SLCO3A1: variants seen among roughly 807,000 people sequenced by gnomAD.
SLCO3A1 encodes PGE1 transporter.
SLCO3A1 carries 27 observed loss-of-function variants against 63.1 expected under a neutral mutation model. The observed-to-expected ratio is 0.43, with a 90% CI of 0.32 to 0.59. The LOEUF is 0.59. Ranked by LOEUF, SLCO3A1 falls within the 20% of genes least tolerant of loss-of-function variation. The pLI is 0.09. For missense variants in SLCO3A1, 773 were observed against 945.8 expected, an observed-to-expected ratio of 0.82 and a Z score of 2.40; for synonymous variants, 473 against 409.9, an observed-to-expected ratio of 1.15 and a Z score of -1.86.
At chr15:92,061,132 G>A (rs2047081626) in intron 2 of SLCO3A1, among the ~76,000 whole-genome samples, 1 of 152,222 alleles carries the variant, frequency 6.6e-6, no homozygotes, top group Non-Finnish European at 1.5e-5. Flanking sequence ...TAATGTTTGT[G>A]AATTAGCATT....
chr15:91,991,040 A>G (rs186142928), intron 2 of SLCO3A1, among the ~76,000 whole-genome samples: 133 of 152,188 alleles, frequency 8.7e-4, no homozygotes, highest in African/African-American at 2.9e-3. Context: ...AGATTTCTTT[A>G]TTTTTAAAAA....
chr15:91,865,454 AACAAATTACC>A lies in SLCO3A1; in HGVS notation c.180+11372_180+11381del, dbSNP rs1897142381. On this transcript the variant is annotated intron_variant, in intron 1 of 9. Transcript: ENST00000318445. The surrounding 1 kb of genome is among the most constrained non-coding windows in gnomAD (Gnocchi z 4.6). Reference sequence around the variant, plus strand: ...TCTATTCATTAACTAGGGCTGCTGTAACAAATTACCACAAACTGGGTGGCTTGAAACAAAT... The same window carrying A: ...TCTATTCATTAACTAGGGCTGCTGTAACAAACTGGGTGGCTTGAAACAAAT... Among the ~76,000 whole-genome samples the A allele has an allele frequency of 6.6e-6, 1 of 152,194 alleles. No homozygotes were observed. The highest frequency in any genetic ancestry group is 2.4e-5 in the African/African-American group (1 of 41,448).
At chr15:92,046,415 A>T (rs2046864025) in intron 2 of SLCO3A1, among the ~76,000 whole-genome samples, 1 of 152,078 alleles carries the variant, frequency 6.6e-6, no homozygotes, top group Admixed American at 6.6e-5. Context: ...CTATAATCCC[A>T]GCTACTTGGG....
downstream of SLCO3A1, among the ~76,000 whole-genome samples, chr15:92,168,768 G>A (rs1233898877): frequency 6.6e-6 from 1 of 152,158 alleles, no homozygotes; most frequent in African/African-American, 2.4e-5. Flanking sequence ...GTACCCCTTT[G>A]CTCTCATGGT....
At chr15:91,959,371 C>T (rs1405933391) in intron 2 of SLCO3A1, among the ~76,000 whole-genome samples, 1 of 151,956 alleles carries the variant, frequency 6.6e-6, no homozygotes, top group African/African-American at 2.4e-5. Flanking sequence ...CAGAACTGAC[C>T]ACTAAAGAAC....
In SLCO3A1 at chr15:91,859,443, G is replaced by C. The variant is rs1294173949; in HGVS notation, c.180+5355G>C. Reference sequence around the variant, plus strand: ...TTCAAAGACACTTGTATTTTATGTAGCCTAAGTGTTTATGTGTTAGCATGA... The same window carrying C: ...TTCAAAGACACTTGTATTTTATGTACCCTAAGTGTTTATGTGTTAGCATGA... On this transcript the variant is annotated intron_variant, in intron 1 of 9. Coordinates refer to ENST00000318445, the MANE Select transcript of SLCO3A1 (RefSeq NM_013272.4). This position sits in a 1 kb window ranked among gnomAD's most constrained non-coding sequence, Gnocchi z 5.1. Among the ~76,000 whole-genome samples, 10 of 152,194 alleles carry C rather than the reference G, an allele frequency of 6.6e-5. No homozygotes were observed. The highest frequency in any genetic ancestry group is 2.2e-4 in the African/African-American group (9 of 41,448).
chr15:91,921,473 C>T (rs1270748963), intron 2 of SLCO3A1, among the ~76,000 whole-genome samples: 1 of 152,196 alleles, frequency 6.6e-6, no homozygotes, highest in Non-Finnish European at 1.5e-5. Flanking sequence ...ACTCCTGCCT[C>T]TTTGCCAAAA....
chr15:92,010,927 A>G (rs1264174168), intron 2 of SLCO3A1, among the ~76,000 whole-genome samples: 1 of 152,190 alleles, frequency 6.6e-6, no homozygotes, highest in African/African-American at 2.4e-5. Context: ...CCAAGCCATC[A>G]TTGTGTCTTA....
chr15:91,927,528 AT>A (rs1324309163), intron 2 of SLCO3A1, among the ~76,000 whole-genome samples: 2 of 152,176 alleles, frequency 1.3e-5, no homozygotes, highest in Admixed American at 1.3e-4. Context: ...TAGTTGGTGC[AT>A]TTGAGAAACC....
chr15:92,049,868 A>C (rs1482081450), intron 2 of SLCO3A1, among the ~76,000 whole-genome samples: 1 of 152,188 alleles, frequency 6.6e-6, no homozygotes, highest in Admixed American at 6.5e-5. Context: ...ACAGCTTTGT[A>C]ATGTACAGTG....
At chr15:92,041,616 T>C (rs1443918843) in intron 2 of SLCO3A1, among the ~76,000 whole-genome samples, 1 of 152,200 alleles carries the variant, frequency 6.6e-6, no homozygotes. Context: ...TCACTGAATA[T>C]ATGTGCATAT....
intron 2 of SLCO3A1, among the ~76,000 whole-genome samples, chr15:91,978,342 T>C (rs1323828816): frequency 6.6e-6 from 1 of 152,250 alleles, no homozygotes; most frequent in Non-Finnish European, 1.5e-5. Flanking sequence ...TCTTTTACTC[T>C]TCAGTGAAAA....
intron 4 of SLCO3A1, among the ~76,000 whole-genome samples, chr15:92,114,391 G>C (rs2047766769): frequency 6.6e-6 from 1 of 152,042 alleles, no homozygotes; most frequent in South Asian, 2.1e-4. Context: ...ACGGGGCGTG[G>C]TGCTCACATC....
chr15:91,872,930 G>C lies in SLCO3A1; in HGVS notation c.180+18842G>C, dbSNP rs1043327948. 3.3e-5 allele frequency among the ~76,000 whole-genome samples: 5 copies of C among 152,192 alleles called. No homozygotes were observed. Among genetic ancestry groups the C allele is most frequent in the Non-Finnish European group, 5.9e-5 (4 of 68,038 alleles). On this transcript the variant is annotated intron_variant, in intron 1 of 9. Coordinates refer to ENST00000318445, the MANE Select transcript of SLCO3A1 (RefSeq NM_013272.4). The surrounding 1 kb of genome is among the most constrained non-coding windows in gnomAD (Gnocchi z 4.1). The stretch of plus-strand genomic sequence containing the variant: ...AAAAAGACCTGTTATACATTCCAGG[G>C]CTGGTCACAGGGCCCCTGCTCCTGG...
In SLCO3A1 at chr15:91,874,690, C is replaced by T. The variant is rs76871928; in HGVS notation, c.180+20602C>T. ...ACATGTTGGCTATTGTGAATAATGC[C>T]GCTCCGATCATCGCTGTAGAGCTTT... On this transcript the variant is annotated intron_variant, in intron 1 of 9. Transcript: ENST00000318445. 4.4e-3 allele frequency among the ~76,000 whole-genome samples: 671 copies of T among 152,278 alleles called. 8 individuals carry two copies. The highest frequency in any genetic ancestry group is 0.015 in the African/African-American group (634 of 41,534).
intron 2 of SLCO3A1, among the ~76,000 whole-genome samples, chr15:92,004,763 G>A (rs1032858040): frequency 2.6e-5 from 4 of 152,178 alleles, no homozygotes; most frequent in Admixed American, 6.5e-5. Context: ...TCCCTCAAAT[G>A]CATTAGTCCC....
At chr15:92,050,170 G>A (rs1175956740) in intron 2 of SLCO3A1, among the ~76,000 whole-genome samples, 1 of 152,166 alleles carries the variant, frequency 6.6e-6, no homozygotes, top group Non-Finnish European at 1.5e-5. Context: ...GACTTTTTCT[G>A]GTGATGCTGC....
rs2047917831 is a variant in SLCO3A1, at chr15:92,126,050, T to C, written c.1175-11T>C. 1.9e-6 allele frequency: 3 copies of C among 1,612,848 alleles called. No homozygotes were observed. In the South Asian group the frequency reaches 3.3e-5, roughly 18 times the overall value. The stretch of plus-strand genomic sequence containing the variant: ...CCTGTTCACAGCCCTGCCCCTCTAT[T>C]TTCCTTCCAGGGATGACTGCGATCC... On this transcript the variant is annotated splice_polypyrimidine_tract_variant and intron_variant, in intron 5 of 9. Transcript: ENST00000318445.
At chr15:92,116,613 C>G (rs772750303) in intron 4 of SLCO3A1, among the ~76,000 whole-genome samples, 1 of 152,218 alleles carries the variant, frequency 6.6e-6, no homozygotes, top group Non-Finnish European at 1.5e-5. Context: ...TGGGCCGCCC[C>G]ATTAGCTGCT....
Sources: gnomAD v4.1 joint callset for allele counts (sites outside exome capture counted in the v4.1 genomes callset) on GRCh38, gnomAD v4.1.1 for gene constraint, Gnocchi (gnomAD v3.1) non-coding constraint, MANE v1.5 for transcripts, NCBI Gene and HGNC (gene_info 2026-07-23, HGNC 2026-07-21) for gene names.